AAMDC: variants seen among roughly 807,000 people sequenced by gnomAD.
AAMDC encodes the protein mth938 domain-containing protein.
AAMDC carries 16 observed loss-of-function variants against 15.5 expected under a neutral mutation model. That is an observed-to-expected ratio of 1.03 (90% CI 0.70 to 1.57). AAMDC has a LOEUF of 1.57. AAMDC is among the 40% of genes most tolerant of loss of function. The pLI is 0.00. For synonymous variants in AAMDC, 51 were observed against 51.6 expected (o/e 0.99, Z 0.05); for missense variants, 141 against 144.9 (o/e 0.97, Z 0.14).
Position 77,858,592 on chromosome 11 carries a change from G to A in AAMDC, c.133-11130G>A, listed in dbSNP as rs966013558. Among the ~76,000 whole-genome samples the A allele has an allele frequency of 5.3e-5, 8 of 152,108 alleles. No homozygotes were observed. The East Asian group carries it at 5.8e-4, about 11-fold the overall frequency. On this transcript the variant is annotated intron_variant, in intron 2 of 3. Coordinates refer to ENST00000393427, the MANE Select transcript of AAMDC (RefSeq NM_024684.4). ...CAGCTAGCCTTAGGGATTCTTAGTCGGCCTAGGAAATCCAGCTAGTCCTGT... is the reference window on the plus strand; with the variant it reads ...CAGCTAGCCTTAGGGATTCTTAGTCAGCCTAGGAAATCCAGCTAGTCCTGT...
downstream of AAMDC, among the ~76,000 whole-genome samples, chr11:77,874,996 C>T (rs1349275672): frequency 6.7e-6 from 1 of 150,296 alleles, no homozygotes; most frequent in East Asian, 2.0e-4. Flanking sequence ...GAGGTGAGAT[C>T]GTGCCACTGC....
At chr11:77,838,224 CTGTT>C (rs1949776241) in intron 1 of AAMDC, among the ~76,000 whole-genome samples, 4 of 117,386 alleles carry the variant, frequency 3.4e-5, no homozygotes, top group Non-Finnish European at 8.5e-5. Flanking sequence ...TAGACTGTGA[CTGTT>C]AGTTTTATGT....
intron 3 of AAMDC, 135 bp downstream of exon 3, chr11:77,869,952 G>GAATGTGTGCAGCCA: frequency 1.4e-6 from 1 of 706,726 alleles, no homozygotes; most frequent in Non-Finnish European, 2.4e-6. Flanking sequence ...GATAGCAGTG[G>GAATGTGTGCAGCCA]CTGCACACAT....
chr11:77,900,048 A>G (rs960921197), intron 5 of AAMDC, among the ~76,000 whole-genome samples: 5 of 152,234 alleles, frequency 3.3e-5, no homozygotes, highest in Admixed American at 2.0e-4. Flanking sequence ...TTTTTCAGCT[A>G]TAACTGGCAC....
downstream of AAMDC, among the ~76,000 whole-genome samples, chr11:77,877,248 C>A (rs1436475510): frequency 1.6e-5 from 2 of 126,310 alleles, no homozygotes; most frequent in African/African-American, 6.7e-5. Flanking sequence ...ATAACAGTAC[C>A]TAGAGAGTTA....
At chr11:77,826,052 T>C (rs1169585732) in intron 1 of AAMDC, among the ~76,000 whole-genome samples, 1 of 152,152 alleles carries the variant, frequency 6.6e-6, no homozygotes, top group African/African-American at 2.4e-5. Flanking sequence ...TAAGATTGGT[T>C]TCTCCGATGG....
intron 1 of AAMDC, among the ~76,000 whole-genome samples, chr11:77,833,169 C>G (rs772827449): frequency 2.6e-5 from 4 of 151,024 alleles, no homozygotes; most frequent in African/African-American, 7.3e-5. Context: ...ACCACCACAC[C>G]CAGCTAATGT....
chr11:77,883,776 G>A (rs1565221114), intron 5 of AAMDC: 2 of 1,587,060 alleles, frequency 1.3e-6, no homozygotes, highest in East Asian at 2.3e-5. Context: ...ACGCTTAAGG[G>A]TAGGTGTGAT....
At chr11:77,860,732 C>T (rs1174389970) in intron 2 of AAMDC, among the ~76,000 whole-genome samples, 8 of 152,066 alleles carry the variant, frequency 5.3e-5, no homozygotes, top group African/African-American at 1.9e-4. Context: ...TCTTCAAAGG[C>T]AAACAAGAAT....
intron 5 of AAMDC, among the ~76,000 whole-genome samples, chr11:77,899,788 T>G (rs7936105): frequency 2.0e-5 from 3 of 151,854 alleles, no homozygotes; most frequent in Non-Finnish European, 4.4e-5. Context: ...GTGAAAGGAA[T>G]AGGAGGCAGA....
intron 5 of AAMDC, chr11:77,891,431 G>A: frequency 6.2e-7 from 1 of 1,613,776 alleles, no homozygotes; most frequent in South Asian, 1.1e-5. Flanking sequence ...CTCGCCCGCT[G>A]GCTCGATGAT....
At chr11:77,872,141 C>G (rs1447737484) in intron 3 of AAMDC, 34 bp from the exon 4 acceptor site, 4 of 1,598,506 alleles carry the variant, frequency 2.5e-6, no homozygotes, top group Non-Finnish European at 3.4e-6. Flanking sequence ...GGGGCCTTTC[C>G]CCCTACTTAC....
chr11:77,858,629 C>G (rs1314995019), intron 2 of AAMDC, among the ~76,000 whole-genome samples: 4 of 152,102 alleles, frequency 2.6e-5, no homozygotes, highest in Admixed American at 2.6e-4. Flanking sequence ...TCTCAGTCCC[C>G]CCTCTCAACA....
intron 5 of AAMDC, among the ~76,000 whole-genome samples, chr11:77,899,006 C>G (rs1952656272): frequency 6.6e-6 from 1 of 151,310 alleles, no homozygotes; most frequent in Non-Finnish European, 1.5e-5. Flanking sequence ...GGTGATAGAG[C>G]AAGACTCTGT....
At chr11:77,856,942 G>A (rs764513411) in intron 2 of AAMDC, among the ~76,000 whole-genome samples, 64 of 152,158 alleles carry the variant, frequency 4.2e-4, no homozygotes, top group Non-Finnish European at 7.9e-4. Flanking sequence ...AAGAATGAAA[G>A]GACAGACTGG....
chr11:77,863,452 C>T (rs1950972068), intron 2 of AAMDC, among the ~76,000 whole-genome samples: 2 of 152,182 alleles, frequency 1.3e-5, no homozygotes, highest in South Asian at 4.1e-4. Context: ...AGCTCCCATA[C>T]AAAGGGAGGG....
chr11:77,840,659 T>G (rs1342534719), intron 1 of AAMDC, among the ~76,000 whole-genome samples: 1 of 152,210 alleles, frequency 6.6e-6, no homozygotes, highest in Non-Finnish European at 1.5e-5. Flanking sequence ...AATTCCCACC[T>G]TGGCCTCCCA....
rs140731356 is a variant in AAMDC at position 77,857,062 on chromosome 11, A to AT, written c.133-12659dup. On this transcript the variant is annotated intron_variant, in intron 2 of 3. Transcript: ENST00000393427. ...AATTCACTATGAAGTAATAGTGCATATATCATCACCCAACATTAAAAGATA... is the reference window on the plus strand; with the variant it reads ...AATTCACTATGAAGTAATAGTGCATATTATCATCACCCAACATTAAAAGATA... 1.9e-3 allele frequency among the ~76,000 whole-genome samples: 283 copies of AT among 152,372 alleles called. 1 individual carries two copies. Among genetic ancestry groups the AT allele is most frequent in the African/African-American group, 6.4e-3 (268 of 41,586 alleles).
At chr11:77,875,068 G>A (rs913939522), downstream of AAMDC, among the ~76,000 whole-genome samples, 1 of 151,354 alleles carries the variant, frequency 6.6e-6, no homozygotes, top group African/African-American at 2.4e-5. Context: ...ACATGAAGCT[G>A]GCCACAGCTA....
Sources: allele counts gnomAD v4.1 joint callset (sites outside exome capture counted in the v4.1 genomes callset), GRCh38; gene constraint gnomAD v4.1.1; transcripts MANE v1.5; gene names NCBI Gene and HGNC (gene_info 2026-07-23, HGNC 2026-07-21).